FER: variants seen among roughly 807,000 people sequenced by gnomAD.
FER encodes the protein tyrosine-protein kinase Fer.
A neutral mutation model predicts 111.0 loss-of-function variants in FER; 63 were observed. The ratio of observed to expected loss-of-function variants is 0.57; its 90% CI spans 0.46 to 0.70. FER has a LOEUF of 0.70. Among genes scored for constraint, FER ranks in the 30% least tolerant of loss-of-function variants. The pLI, the probability that FER is intolerant of heterozygous loss-of-function variation, is 0.00. For synonymous variants in FER, 327 were observed against 313.9 expected (o/e 1.04, Z -0.44); for missense variants, 914 against 954.0 (o/e 0.96, Z 0.55).
At chr5:109,029,203 A>G (rs1321423839) in intron 13 of FER, among the ~76,000 whole-genome samples, 1 of 145,754 alleles carries the variant, frequency 6.9e-6, no homozygotes, top group African/African-American at 2.5e-5. Flanking sequence ...GGTTTTACCT[A>G]CGTCCTTTTA....
chr5:108,992,328 A>T (rs112449257), intron 13 of FER, among the ~76,000 whole-genome samples: 17,545 of 151,590 alleles, frequency 0.12, 1,103 homozygotes, highest in Middle Eastern at 0.16. Context: ...CCCCACCTTT[A>T]CCCCCTTTCT....
intron 14 of FER, among the ~76,000 whole-genome samples, chr5:109,040,953 C>T (rs969813477): frequency 6.6e-6 from 1 of 151,936 alleles, no homozygotes. Flanking sequence ...GGGACAAGAG[C>T]CCAGAGTTCT....
chr5:108,982,470 A>G (rs866215632), intron 13 of FER, among the ~76,000 whole-genome samples: 89 of 152,198 alleles, frequency 5.8e-4, no homozygotes, highest in African/African-American at 2.1e-3. Flanking sequence ...AATGATCAAG[A>G]ATCAGTGGTG....
At chr5:108,815,971 G>C (rs187474018) in intron 3 of FER, among the ~76,000 whole-genome samples, 38 of 152,080 alleles carry the variant, frequency 2.5e-4, no homozygotes, top group African/African-American at 7.9e-4. Context: ...TTAAAAACTT[G>C]GTTAATGAGA....
At chr5:108,995,023 G>C (rs1763807877) in intron 13 of FER, among the ~76,000 whole-genome samples, 1 of 152,014 alleles carries the variant, frequency 6.6e-6, no homozygotes, top group Non-Finnish European at 1.5e-5. Flanking sequence ...GAGACTATTG[G>C]GTTTTCTAGA....
rs1217345114 is a variant in FER at position 108,844,137 on chromosome 5, CAT to C, written c.481+8335_481+8336del. ...GTGTGAACACATATATGTGTGTGAACATATATGTGTGTGTGAACATATATATG... is the reference window on the plus strand; with the variant it reads ...GTGTGAACACATATATGTGTGTGAACATATGTGTGTGTGAACATATATATG... On this transcript the variant is annotated intron_variant, in intron 5 of 19. Transcript: ENST00000281092. 9.5e-4 allele frequency among the ~76,000 whole-genome samples: 88 copies of C among 92,758 alleles called. 1 individual carries two copies. Among genetic ancestry groups the C allele is most frequent in the Non-Finnish European group, 1.3e-3 (54 of 41,358 alleles). The allele number at this position is 92,758 out of a possible 152,430, so 60.9% of individuals were successfully genotyped here. A position where few individuals can be genotyped will look rare whatever the true frequency, so the allele number is the denominator to read the frequency against.
At chr5:108,872,973 TG>T (rs532974044) in intron 8 of FER, among the ~76,000 whole-genome samples, 3 of 152,164 alleles carry the variant, frequency 2.0e-5, no homozygotes, top group Non-Finnish European at 4.4e-5. Context: ...TCATATCACC[TG>T]TTGGAAATTT....
intron 12 of FER, among the ~76,000 whole-genome samples, chr5:108,956,865 G>T (rs1403973167): frequency 6.6e-6 from 1 of 151,392 alleles, no homozygotes; most frequent in Non-Finnish European, 1.5e-5. Context: ...GACTAGAAGG[G>T]GTCAATAAAT....
At chr5:108,833,489 CT>C (rs5870333) in intron 4 of FER, among the ~76,000 whole-genome samples, 223 of 145,510 alleles carry the variant, frequency 1.5e-3, no homozygotes, top group South Asian at 4.3e-3. Context: ...CTCCTACCCA[CT>C]TTTTTTTTTT....
intron 2 of FER, among the ~76,000 whole-genome samples, chr5:108,785,896 CCTT>C (rs1304717343): frequency 6.6e-6 from 1 of 152,182 alleles, no homozygotes; most frequent in African/African-American, 2.4e-5. Flanking sequence ...AAGGAGTTTG[CCTT>C]CTTCTTTCCA....
chr5:108,771,899 T>C (rs1430245226), intron 2 of FER, among the ~76,000 whole-genome samples: 3 of 152,198 alleles, frequency 2.0e-5, no homozygotes, highest in Non-Finnish European at 2.9e-5. Context: ...TGTATTTGTC[T>C]TTTTGTTCAT....
At chr5:109,162,458 T>A (rs1307260634) in intron 17 of FER, among the ~76,000 whole-genome samples, 1 of 152,168 alleles carries the variant, frequency 6.6e-6, no homozygotes, top group Non-Finnish European at 1.5e-5. Context: ...AGATCCTGTT[T>A]GTATTAGAAA....
At chr5:108,810,900 A>C (rs1181235963) in intron 3 of FER, among the ~76,000 whole-genome samples, 1 of 151,546 alleles carries the variant, frequency 6.6e-6, no homozygotes, top group African/African-American at 2.4e-5. Context: ...TCATGCTTCC[A>C]GTCCGGGCAT....
rs1759254560 is a variant in FER at position 109,189,880 on chromosome 5, T to C, written c.*2305T>C. 1 of 152,170 alleles carries C rather than the reference T, an allele frequency of 6.6e-6. No homozygotes were observed. The highest frequency in any genetic ancestry group is 1.5e-5 in the Non-Finnish European group (1 of 68,020). 9.4% of individuals were successfully genotyped at this position (152,170 alleles called of 1,614,324 possible). ...TTATCCAGGCTGTTAGAATTTGCAG[T>C]TCACATCATTACTCTGTGCTTAAAT... On this transcript the variant is annotated 3_prime_UTR_variant, in exon 20 of 20. Transcript: ENST00000281092.
intron 16 of FER, among the ~76,000 whole-genome samples, chr5:109,063,862 A>T (rs1441995393): frequency 6.6e-6 from 1 of 152,120 alleles, no homozygotes; most frequent in Non-Finnish European, 1.5e-5. Context: ...AATTTGGGAG[A>T]ATGAGTACTT....
chr5:109,191,693 T>C lies in FER; in HGVS notation c.*4118T>C, dbSNP rs767534692. The C allele has an allele frequency of 6.6e-6, 1 of 152,222 alleles. No homozygotes were observed. The highest frequency in any genetic ancestry group is 1.5e-5 in the Non-Finnish European group (1 of 68,034). The allele number at this position is 152,222 out of a possible 1,614,324, so 9.4% of individuals were successfully genotyped here. A position where few individuals can be genotyped will look rare whatever the true frequency, so the allele number is the denominator to read the frequency against. ...TACCATCAAAATAGCGTTACTTCTT[T>C]TATGACTAACTCTGATTTGCTTATA... On this transcript the variant is annotated 3_prime_UTR_variant, in exon 20 of 20. Transcript: ENST00000281092.
chr5:108,888,056 C>G (rs1474469637), intron 9 of FER, among the ~76,000 whole-genome samples: 1 of 151,838 alleles, frequency 6.6e-6, no homozygotes, highest in Non-Finnish European at 1.5e-5. Context: ...TTTAGCCTCA[C>G]TGCCTTTCAA....
At chr5:108,905,586 G>GT (rs1750644204) in intron 10 of FER, among the ~76,000 whole-genome samples, 2 of 152,100 alleles carry the variant, frequency 1.3e-5, no homozygotes, top group African/African-American at 2.4e-5. Context: ...ATGTAATGGG[G>GT]TTTTTTGGGA....
At chr5:109,056,073 G>C (rs552075198) in intron 16 of FER, among the ~76,000 whole-genome samples, 3 of 152,268 alleles carry the variant, frequency 2.0e-5, no homozygotes, top group Non-Finnish European at 4.4e-5. Flanking sequence ...AAAGGGAAAA[G>C]ATAACAAATA....
Sources: allele counts gnomAD v4.1 joint callset (sites outside exome capture counted in the v4.1 genomes callset), GRCh38; gene constraint gnomAD v4.1.1; transcripts MANE v1.5; gene names NCBI Gene and HGNC (gene_info 2026-07-23, HGNC 2026-07-21).